The following RYR2 variants were observed in gnomAD, a reference collection of about 807,000 sequenced individuals.
RYR2 encodes the protein ryanodine receptor 2, also known as cardiac muscle ryanodine receptor-calcium release channel.
RYR2 carries 227 observed loss-of-function variants against 601.1 expected under a neutral mutation model. The ratio of observed to expected loss-of-function variants is 0.38; its 90% CI spans 0.34 to 0.42. The LOEUF is 0.42. RYR2 is among the 10% of genes least tolerant of loss of function. The pLI, the probability that RYR2 is intolerant of heterozygous loss-of-function variation, is 1.00. For missense variants in RYR2, 4,646 were observed against 6,156.5 expected (o/e 0.75, Z 8.21); for synonymous variants, 2,223 against 2,175.1 (o/e 1.02, Z -0.61).
At chr1:237,474,435 G>T (rs186518825) in intron 17 of RYR2, among the ~76,000 whole-genome samples, 1 of 151,808 alleles carries the variant, frequency 6.6e-6, no homozygotes, top group East Asian at 2.0e-4. Flanking sequence ...ATATGCCTGG[G>T]ACCACAGTGA....
intron 23 of RYR2, among the ~76,000 whole-genome samples, chr1:237,509,481 A>T (rs1665660223): frequency 1.3e-5 from 2 of 152,316 alleles, no homozygotes; most frequent in South Asian, 2.1e-4. Flanking sequence ...TTTGAAGAAG[A>T]GGAAGTTATC....
At position 237,546,186 on chromosome 1, in the gene RYR2, C is replaced by T. The variant is rs1669785197; in HGVS notation, c.2907-2245C>T. On this transcript the variant is annotated intron_variant, in intron 25 of 104. Coordinates refer to ENST00000366574, the MANE Select transcript of RYR2 (RefSeq NM_001035.3). ...AAAACAAAAGCTACAGTTAATTGCC[C>T]ATACAAACAGAGTTTTTATTTAAAA... is the stretch of plus-strand genomic sequence containing the variant. Among the ~76,000 whole-genome samples, 4 of 151,894 alleles carry T rather than the reference C, an allele frequency of 2.6e-5. No individual in the cohort carries two copies. The South Asian group carries it at 8.3e-4, about 32-fold the overall frequency.
intron 1 of RYR2, among the ~76,000 whole-genome samples, chr1:237,107,622 A>C (rs774776805): frequency 6.6e-6 from 1 of 151,756 alleles, no homozygotes; most frequent in Non-Finnish European, 1.5e-5. Context: ...TAGGTAATAG[A>C]TGTGAAGCTT....
At chr1:237,652,793 A>C (rs1242533982) in intron 51 of RYR2, among the ~76,000 whole-genome samples, 1 of 152,164 alleles carries the variant, frequency 6.6e-6, no homozygotes, top group East Asian at 1.9e-4. Context: ...ACTCTTTTAC[A>C]TTAGAGATAT....
At chr1:237,419,639 G>A (rs1255879460) in intron 11 of RYR2, among the ~76,000 whole-genome samples, 1 of 152,110 alleles carries the variant, frequency 6.6e-6, no homozygotes, top group East Asian at 1.9e-4. Context: ...CAACCATTTA[G>A]CAGCTTAAAG....
At chr1:237,248,701 G>C (rs905059360) in intron 1 of RYR2, among the ~76,000 whole-genome samples, 9 of 151,362 alleles carry the variant, frequency 5.9e-5, no homozygotes, top group Admixed American at 4.0e-4. Context: ...GTTTTTTAAA[G>C]ATCTAGTTTG....
rs900166943 is a variant in RYR2, at chr1:237,344,130, G to A, written c.274-11835G>A. On this transcript the variant is annotated intron_variant, in intron 3 of 104. Coordinates refer to ENST00000366574, the MANE Select transcript of RYR2 (RefSeq NM_001035.3). The stretch of plus-strand genomic sequence containing the variant: ...GAGCCACCACGCCTGGCCCCCATAA[G>A]GGGTTTTTAGTTCCTCGGGAAACTA... Among the ~76,000 whole-genome samples, 5 of 152,294 alleles carry A rather than the reference G, an allele frequency of 3.3e-5. No individual in the cohort carries two copies. In the East Asian group the frequency reaches 9.7e-4, roughly 30 times the overall value.
chr1:237,771,591 G>T (rs1162166451), intron 85 of RYR2, among the ~76,000 whole-genome samples: 1 of 152,064 alleles, frequency 6.6e-6, no homozygotes, highest in Non-Finnish European at 1.5e-5. Flanking sequence ...TACTAGGCTT[G>T]TGCACCCCTG....
chr1:237,495,000 A>G (rs918225732), intron 19 of RYR2, among the ~76,000 whole-genome samples: 3 of 152,128 alleles, frequency 2.0e-5, no homozygotes, highest in Non-Finnish European at 2.9e-5. Context: ...CATGTTGGCC[A>G]GCCTGGTCTC....
At chr1:237,343,402 T>C (rs1433252343) in intron 3 of RYR2, among the ~76,000 whole-genome samples, 2 of 152,196 alleles carry the variant, frequency 1.3e-5, no homozygotes, top group Non-Finnish European at 2.9e-5. Flanking sequence ...TGATATATGA[T>C]GAGTAACCAC....
intron 58 of RYR2, among the ~76,000 whole-genome samples, chr1:237,671,190 G>A (rs1262679189): frequency 6.6e-6 from 1 of 152,134 alleles, no homozygotes; most frequent in African/African-American, 2.4e-5. Context: ...AACTAGTTTA[G>A]AACCAAAATG....
intron 1 of RYR2, among the ~76,000 whole-genome samples, chr1:237,069,658 G>C (rs1664068858): frequency 6.6e-6 from 1 of 152,076 alleles, no homozygotes; most frequent in Non-Finnish European, 1.5e-5. Flanking sequence ...GAATTATTAG[G>C]AGTGAGGAAT....
intron 100 of RYR2, 130 bp downstream of exon 100, chr1:237,809,165 G>A (rs1472174160): frequency 2.4e-6 from 2 of 849,048 alleles, no homozygotes; most frequent in East Asian, 5.0e-5. Context: ...TTGCAGGGCT[G>A]TTTAAAGATT....
chr1:237,369,374 T>C (rs1572013670), intron 5 of RYR2, 160 bp from the exon 6 acceptor site: 1 of 695,360 alleles, frequency 1.4e-6, no homozygotes, highest in African/African-American at 1.8e-5. Context: ...TACTCCAATG[T>C]ATACATTATT....
intron 1 of RYR2, among the ~76,000 whole-genome samples, chr1:237,145,868 G>T (rs1297560655): frequency 1.3e-5 from 2 of 152,158 alleles, no homozygotes; most frequent in Non-Finnish European, 2.9e-5. Context: ...TTAAACGAGG[G>T]GGTTTCTGAC....
At chr1:237,337,257 A>C (rs1572646774) in intron 3 of RYR2, among the ~76,000 whole-genome samples, 1 of 152,082 alleles carries the variant, frequency 6.6e-6, no homozygotes, top group Admixed American at 6.5e-5. Flanking sequence ...ATCTCAAAAA[A>C]AAAAAAAAAA....
At chr1:237,052,686 T>C (rs544443468) in intron 1 of RYR2, among the ~76,000 whole-genome samples, 2 of 152,174 alleles carry the variant, frequency 1.3e-5, no homozygotes, top group African/African-American at 4.8e-5. Context: ...GTTATGAGCC[T>C]GTAGGCAAGA....
At chr1:237,183,338 G>A (rs376868989) in intron 1 of RYR2, among the ~76,000 whole-genome samples, 18 of 152,300 alleles carry the variant, frequency 1.2e-4, no homozygotes, top group Middle Eastern at 3.4e-3. Flanking sequence ...GGAGCAAAAG[G>A]ACTAGAACCA....
chr1:237,783,422 T>C (rs550818206), intron 89 of RYR2, among the ~76,000 whole-genome samples: 3 of 152,302 alleles, frequency 2.0e-5, no homozygotes, highest in African/African-American at 7.2e-5. Flanking sequence ...CTTCTTTGAT[T>C]GAGGGGAAAA....
Sources: gnomAD v4.1 joint callset for allele counts (sites outside exome capture counted in the v4.1 genomes callset) on GRCh38, gnomAD v4.1.1 for gene constraint, MANE v1.5 for transcripts, NCBI Gene and HGNC (gene_info 2026-07-23, HGNC 2026-07-21) for gene names.